Variants in FLACC1 observed in about 807,000 individuals in gnomAD.
FLACC1 encodes flagellum-associated coiled-coil domain-containing protein 1.
A neutral mutation model predicts 62.8 loss-of-function variants in FLACC1; 66 were observed. The ratio of observed to expected loss-of-function variants is 1.05; its 90% CI spans 0.86 to 1.29. The LOEUF (loss-of-function observed/expected upper bound fraction) is 1.29, where lower values mean the gene tolerates loss of function less well. Ranked by LOEUF, FLACC1 falls within the 50% of genes most tolerant of loss-of-function variation. The probability of loss-of-function intolerance (pLI) is 0.00; values close to 1 mark genes in which losing one functional copy is unlikely to be tolerated. For synonymous variants in FLACC1, 156 were observed against 161.0 expected, an observed-to-expected ratio of 0.97 and a Z score of 0.24; for missense variants, 452 against 489.1, an observed-to-expected ratio of 0.92 and a Z score of 0.71.
At chr2:201,311,061 A>C (rs1950208026) in intron 9 of FLACC1, among the ~76,000 whole-genome samples, 1 of 152,100 alleles carries the variant, frequency 6.6e-6, no homozygotes, top group Non-Finnish European at 1.5e-5. Context: ...AAATTCCTGG[A>C]AACACAACCT....
the FLACC1 span, among the ~76,000 whole-genome samples, chr2:201,363,252 C>T: frequency 9.9e-5 from 15 of 151,938 alleles, no homozygotes; most frequent in African/African-American, 3.4e-4. Context: ...GGATCAGCAG[C>T]CTGAGTTGTC....
intron 1 of FLACC1, among the ~76,000 whole-genome samples, chr2:201,354,316 A>G (rs6705845): frequency 0.51 from 77,747 of 152,020 alleles, 20,316 homozygotes; most frequent in South Asian, 0.59. Flanking sequence ...GTCGGCAGAA[A>G]GAGAGCTAAG....
rs1260018338 is a variant in FLACC1, at chr2:201,346,716, A to G, written c.235-41T>C. ...AAGTAAGATAAAATGGCAGACTTGG[A>G]GTGCTGAGATTTTTCCAAATCTTCT... On this transcript the variant is annotated intron_variant, in intron 4 of 14. Transcript: ENST00000392257. This position sits in a 1 kb window ranked among gnomAD's most constrained non-coding sequence, Gnocchi z 4.0. The G allele has an allele frequency of 6.2e-7, 1 of 1,612,216 alleles. No homozygotes were observed. Among genetic ancestry groups the G allele is most frequent in the Non-Finnish European group, 8.5e-7 (1 of 1,179,454 alleles).
intron 1 of FLACC1, chr2:201,352,122 A>G (rs1015608604): frequency 6.6e-6 from 1 of 152,224 alleles, no homozygotes; most frequent in Non-Finnish European, 1.5e-5. Flanking sequence ...GCAGAGCTGG[A>G]AACAAACACA....
At chr2:201,298,413 A>G (rs1167280267) in intron 12 of FLACC1, among the ~76,000 whole-genome samples, 2 of 152,212 alleles carry the variant, frequency 1.3e-5, no homozygotes, top group Admixed American at 1.3e-4. Flanking sequence ...CATCCAAGCC[A>G]AACTTACCAG....
At chr2:201,309,086 G>C (rs570527726) in intron 10 of FLACC1, 65 bp downstream of exon 10, 345 of 1,422,802 alleles carry the variant, frequency 2.4e-4, no homozygotes, top group Middle Eastern at 8.8e-4. Context: ...CTCAAGTCAA[G>C]ACCAAACTTC....
At chr2:201,309,475 G>A (rs1950171913) in intron 9 of FLACC1, among the ~76,000 whole-genome samples, 1 of 152,126 alleles carries the variant, frequency 6.6e-6, no homozygotes, top group African/African-American at 2.4e-5. Context: ...GAGAGCTTAT[G>A]GAACCCAAAG....
Position 201,309,238 on chromosome 2 carries a change from C to T in FLACC1, c.688G>A (p.Asp230Asn), listed in dbSNP as rs1191269455. The T allele has an allele frequency of 6.2e-7, 1 of 1,613,394 alleles. No individual in the cohort carries two copies. Among genetic ancestry groups the T allele is most frequent in the South Asian group, 1.1e-5 (1 of 91,046 alleles). Reference sequence around the variant, plus strand: ...TTTGACCACTTCTCTTCCATTTCATCATAAATACTGTCCTGGGGAGGTACA... The same window carrying T: ...TTTGACCACTTCTCTTCCATTTCATTATAAATACTGTCCTGGGGAGGTACA... ...MFRTYQDSIY[D>N]EMEEKWSKQK... The change falls in exon 10 of 15, where the codon GAT becomes AAT. Residue 230 changes from aspartate to asparagine, a missense_variant. This residue lies in a region of FLACC1 where 301 missense variants were observed against 318.4 expected (regional missense o/e 0.95). Transcript: ENST00000392257.
At chr2:201,294,997 T>A (rs1421585285) in intron 12 of FLACC1, among the ~76,000 whole-genome samples, 1 of 151,964 alleles carries the variant, frequency 6.6e-6, no homozygotes, top group Non-Finnish European at 1.5e-5. Context: ...TGACCACTGC[T>A]CAACGAAATA....
intron 3 of FLACC1, among the ~76,000 whole-genome samples, chr2:201,349,446 C>T (rs1172140861): frequency 6.6e-6 from 1 of 152,188 alleles, no homozygotes; most frequent in Non-Finnish European, 1.5e-5. Context: ...GTAGCACTTG[C>T]CAACCTCGGA....
At chr2:201,336,472 T>C (rs1055158150) in intron 7 of FLACC1, among the ~76,000 whole-genome samples, 2 of 152,204 alleles carry the variant, frequency 1.3e-5, no homozygotes, top group Non-Finnish European at 2.9e-5. Context: ...TGAACAAACG[T>C]ATGCATGTGT....
chr2:201,330,957 T>A (rs1950582279), intron 7 of FLACC1, 124 bp from the exon 8 acceptor site: 5 of 623,994 alleles, frequency 8.0e-6, no homozygotes, highest in Non-Finnish European at 1.3e-5. Flanking sequence ...TTTTTATTTT[T>A]AAAATTTTTA....
intron 1 of FLACC1, among the ~76,000 whole-genome samples, chr2:201,355,018 C>A: frequency 6.6e-6 from 1 of 152,204 alleles, no homozygotes; most frequent in East Asian, 1.9e-4. Flanking sequence ...GGTATGGTGG[C>A]TGATGCCTGT....
In FLACC1 at chr2:201,350,772, G is replaced by C; in HGVS notation, c.124C>G (p.Leu42Val). ...TTGTGATTTTTTGGAGCTGGTACAAGAGGAGTTAGCCTGAAAGTGAAAAAC... is the reference window on the plus strand; with the variant it reads ...TTGTGATTTTTTGGAGCTGGTACAACAGGAGTTAGCCTGAAAGTGAAAAAC... ...NSTGSSKLTP[L>V]VPAPKNHNYL... is the part of the protein sequence containing the mutation. Residue 42 changes from leucine (L) to valine (V), a missense_variant, in exon 3 of 15, where the codon CTT (leucine) becomes GTT (valine). By Grantham distance (32) the Leu-to-Val change is conservative. Coordinates refer to ENST00000392257, the MANE Select transcript of FLACC1 (RefSeq NM_001127391.3). The C allele has an allele frequency of 6.2e-7, 1 of 1,612,388 alleles. No individual in the cohort carries two copies. Among genetic ancestry groups the C allele is most frequent in the South Asian group, 1.1e-5 (1 of 91,004 alleles).
chr2:201,353,031 G>A (rs1003805364), intron 1 of FLACC1, among the ~76,000 whole-genome samples: 1 of 152,130 alleles, frequency 6.6e-6, no homozygotes, highest in Non-Finnish European at 1.5e-5. Context: ...GGCTCATTTT[G>A]GACTTTGACT....
At chr2:201,351,171 G>C in intron 2 of FLACC1, 121 bp downstream of exon 2, 2 of 872,504 alleles carry the variant, frequency 2.3e-6, no homozygotes, top group African/African-American at 1.7e-5. Flanking sequence ...GGAAAGCGAG[G>C]CTTTCTGGCC....
At chr2:201,304,597 G>C (rs1004647784) in intron 11 of FLACC1, among the ~76,000 whole-genome samples, 8 of 152,084 alleles carry the variant, frequency 5.3e-5, no homozygotes, top group Non-Finnish European at 1.2e-4. Context: ...TGGTTCATTT[G>C]GAACCATAAA....
rs1950909090 is a variant in FLACC1, at chr2:201,346,124, C to T, written c.368+418G>A. ...AAGTTGCAGTGAGCTGAGATCGTGCCACTAAACTCCAGCCTGGGTGGCAGA... is the reference window on the plus strand; with the variant it reads ...AAGTTGCAGTGAGCTGAGATCGTGCTACTAAACTCCAGCCTGGGTGGCAGA... On this transcript the variant is annotated intron_variant, in intron 5 of 14. Transcript: ENST00000392257. This position sits in a 1 kb window ranked among gnomAD's most constrained non-coding sequence, Gnocchi z 4.0. Among the ~76,000 whole-genome samples the T allele has an allele frequency of 6.6e-6, 1 of 152,014 alleles. No individual in the cohort carries two copies. Among genetic ancestry groups the T allele is most frequent in the Non-Finnish European group, 1.5e-5 (1 of 67,996 alleles).
intron 12 of FLACC1, among the ~76,000 whole-genome samples, chr2:201,294,035 T>G (rs1316152913): frequency 6.6e-6 from 1 of 151,916 alleles, no homozygotes; most frequent in Non-Finnish European, 1.5e-5. Context: ...AATTAATAGC[T>G]TACTAACCAA....
Sources: allele counts gnomAD v4.1 joint callset (sites outside exome capture counted in the v4.1 genomes callset), GRCh38; gene constraint gnomAD v4.1.1; regional missense constraint gnomAD v4.1.1; non-coding constraint Gnocchi (gnomAD v3.1); transcripts MANE v1.5; gene names NCBI Gene and HGNC (gene_info 2026-07-23, HGNC 2026-07-21).